MACROD2: variants seen among roughly 807,000 people sequenced by gnomAD.
MACROD2 encodes ADP-ribose glycohydrolase MACROD2.
MACROD2 carries 36 observed loss-of-function variants against 70.4 expected under a neutral mutation model. The ratio of observed to expected loss-of-function variants is 0.51; its 90% CI spans 0.39 to 0.68. The LOEUF (loss-of-function observed/expected upper bound fraction) is 0.68. MACROD2 is among the 30% of genes least tolerant of loss of function. MACROD2 has a pLI of 0.00. For missense variants in MACROD2, 496 were observed against 538.4 expected, an observed-to-expected ratio of 0.92 and a Z score of 0.78; for synonymous variants, 172 against 178.8, an observed-to-expected ratio of 0.96 and a Z score of 0.30.
chr20:15,523,234 G>A (rs1340940270), intron 8 of MACROD2, among the ~76,000 whole-genome samples: 2 of 152,190 alleles, frequency 1.3e-5, no homozygotes, highest in African/African-American at 4.8e-5. Flanking sequence ...TTTGCTGAGG[G>A]AAGGACGTTG....
In MACROD2 at chr20:15,430,084, C is replaced by T. The variant is rs115551558; in HGVS notation, c.541-1321C>T. 6.3e-3 allele frequency among the ~76,000 whole-genome samples: 965 copies of T among 152,066 alleles called. 13 individuals carry two copies. The highest frequency in any genetic ancestry group is 0.022 in the African/African-American group (919 of 41,526). ...ATGGTCTCTAGTTCCATCTATATTG[C>T]TGCAAAACACATGATTTCATTCTTT... On this transcript the variant is annotated intron_variant, in intron 6 of 17. Coordinates refer to ENST00000684519, the MANE Select transcript of MACROD2 (RefSeq NM_001351661.2).
intron 7 of MACROD2, among the ~76,000 whole-genome samples, chr20:15,432,342 C>T (rs1332586702): frequency 1.3e-5 from 2 of 151,936 alleles, no homozygotes. Flanking sequence ...GAAATGTAGG[C>T]CTGAACCAAA....
chr20:15,021,094 A>ATACACGTGTATGTGTATACACGTGTG (rs2075166952), intron 5 of MACROD2, among the ~76,000 whole-genome samples: 1 of 129,132 alleles, frequency 7.7e-6, no homozygotes, highest in Non-Finnish European at 1.6e-5. Context: ...ATACACGTGT[A>ATACACGTGTATGTGTATACACGTGTG]TGTGTATACA....
intron 10 of MACROD2, among the ~76,000 whole-genome samples, chr20:15,910,605 G>C (rs2065222549): frequency 6.6e-6 from 1 of 152,172 alleles, no homozygotes; most frequent in South Asian, 2.1e-4. Flanking sequence ...AGCACATGTA[G>C]TAGGCACTTT....
chr20:15,287,939 T>C (rs2077506356), intron 6 of MACROD2, among the ~76,000 whole-genome samples: 1 of 152,182 alleles, frequency 6.6e-6, no homozygotes, highest in Admixed American at 6.5e-5. Context: ...TGTAGGGAAA[T>C]AAAAGATCAG....
intron 10 of MACROD2, among the ~76,000 whole-genome samples, chr20:15,919,984 A>G (rs980020815): frequency 3.9e-5 from 6 of 152,242 alleles, no homozygotes; most frequent in African/African-American, 7.2e-5. Flanking sequence ...TCCCTGCTCC[A>G]TACAGTAATT....
chr20:14,745,583 A>C (rs1374922707), intron 5 of MACROD2, among the ~76,000 whole-genome samples: 2 of 152,164 alleles, frequency 1.3e-5, no homozygotes, highest in East Asian at 1.9e-4. Context: ...TAGGTTATTT[A>C]CTTCACCACA....
At chr20:14,570,458 C>T (rs1221942225) in intron 4 of MACROD2, among the ~76,000 whole-genome samples, 1 of 151,536 alleles carries the variant, frequency 6.6e-6, no homozygotes, top group Non-Finnish European at 1.5e-5. Context: ...GTACAATTTG[C>T]TGTGTGTGTG....
chr20:15,587,507 A>G (rs2048618733), intron 8 of MACROD2, among the ~76,000 whole-genome samples: 1 of 152,158 alleles, frequency 6.6e-6, no homozygotes, highest in South Asian at 2.1e-4. Context: ...CCAAAAGTCC[A>G]CAGTCCAAAG....
At chr20:14,570,849 G>A (rs1980143975) in intron 4 of MACROD2, among the ~76,000 whole-genome samples, 1 of 151,920 alleles carries the variant, frequency 6.6e-6, no homozygotes, top group Admixed American at 6.6e-5. Context: ...ATAATGGTCA[G>A]TTCAAAAGAG....
At position 14,025,487 on chromosome 20, in the gene MACROD2, A is replaced by G. The variant is rs144368867; in HGVS notation, c.163+23083A>G. Among the ~76,000 whole-genome samples, 5 of 152,304 alleles carry G rather than the reference A, an allele frequency of 3.3e-5. No individual in the cohort carries two copies. The East Asian group carries it at 9.6e-4, about 29-fold the overall frequency. On this transcript the variant is annotated intron_variant, in intron 2 of 17. Transcript: ENST00000684519. Reference sequence around the variant, plus strand: ...CTTTCTCCTGTGGGCATTTAGTGCTATAAATTTCCCTCTAAACACTGCTTT... The same window carrying G: ...CTTTCTCCTGTGGGCATTTAGTGCTGTAAATTTCCCTCTAAACACTGCTTT...
At chr20:15,823,014 A>G (rs1199165329) in intron 8 of MACROD2, among the ~76,000 whole-genome samples, 1 of 152,232 alleles carries the variant, frequency 6.6e-6, no homozygotes, top group Non-Finnish European at 1.5e-5. Flanking sequence ...TGCTGAGTTA[A>G]AATCTATTAT....
At chr20:15,361,845 G>T (rs1156291721) in intron 6 of MACROD2, among the ~76,000 whole-genome samples, 1 of 151,634 alleles carries the variant, frequency 6.6e-6, no homozygotes, top group African/African-American at 2.4e-5. Flanking sequence ...TCAACTTTTG[G>T]GGTCCACATG....
At chr20:14,127,003 A>T (rs1448119368) in intron 3 of MACROD2, among the ~76,000 whole-genome samples, 1 of 152,338 alleles carries the variant, frequency 6.6e-6, no homozygotes, top group Admixed American at 6.5e-5. Flanking sequence ...TCTCACTTTC[A>T]ATCAAAAGCT....
chr20:15,468,970 A>G (rs1161481814), intron 7 of MACROD2, among the ~76,000 whole-genome samples: 1 of 152,218 alleles, frequency 6.6e-6, no homozygotes, highest in Non-Finnish European at 1.5e-5. Context: ...AAGGGGGGAT[A>G]TTTTTGAAAC....
At chr20:15,733,625 C>T (rs973742222) in intron 8 of MACROD2, among the ~76,000 whole-genome samples, 1 of 152,088 alleles carries the variant, frequency 6.6e-6, no homozygotes, top group Admixed American at 6.5e-5. Context: ...GTAGACTTAA[C>T]ACTGAGTTAG....
intron 13 of MACROD2, among the ~76,000 whole-genome samples, chr20:15,971,831 T>G (rs536237840): frequency 5.9e-5 from 9 of 152,224 alleles, no homozygotes; most frequent in Admixed American, 4.6e-4. Flanking sequence ...AATCTCAGAG[T>G]CTTCATAGTT....
chr20:14,450,350 G>A (rs146310281), intron 3 of MACROD2, among the ~76,000 whole-genome samples: 1 of 152,130 alleles, frequency 6.6e-6, no homozygotes, highest in East Asian at 1.9e-4. Flanking sequence ...CACCATTTTA[G>A]GAAGTGAACG....
At chr20:14,438,998 G>A (rs1263846060) in intron 3 of MACROD2, among the ~76,000 whole-genome samples, 1 of 152,086 alleles carries the variant, frequency 6.6e-6, no homozygotes, top group Non-Finnish European at 1.5e-5. Flanking sequence ...TGCCAAGGAG[G>A]TTTTTCCGTA....
Sources: allele counts gnomAD v4.1 joint callset (sites outside exome capture counted in the v4.1 genomes callset), GRCh38; gene constraint gnomAD v4.1.1; transcripts MANE v1.5; gene names NCBI Gene and HGNC (gene_info 2026-07-23, HGNC 2026-07-21).